CNKSR2: variants seen among roughly 807,000 people sequenced by gnomAD.
The protein encoded by CNKSR2 is CNK homolog protein 2.
A neutral mutation model predicts 84.4 loss-of-function variants in CNKSR2; 14 were observed. The ratio of observed to expected loss-of-function variants is 0.17; its 90% CI spans 0.11 to 0.26. CNKSR2 has a LOEUF of 0.26. CNKSR2 is among the 10% of genes least tolerant of loss of function. CNKSR2 has a pLI of 1.00. For synonymous variants in CNKSR2, 275 were observed against 277.9 expected (o/e 0.99, Z 0.10); for missense variants, 485 against 771.2 (o/e 0.63, Z 4.40).
chrX:21,636,902 C>T (rs184298678), intron 20 of CNKSR2, among the ~76,000 whole-genome samples: 404 of 110,999 alleles, frequency 3.6e-3, no homozygotes, highest in Middle Eastern at 0.014. Flanking sequence ...ATCTGAATGG[C>T]GACATTTGCA....
chrX:21,487,175 C>T (rs1167284102), intron 5 of CNKSR2, among the ~76,000 whole-genome samples: 1 of 111,951 alleles, frequency 8.9e-6, no homozygotes, highest in East Asian at 2.8e-4. Context: ...GCACCTAGCA[C>T]ATAGCAAGCA....
intron 1 of CNKSR2, among the ~76,000 whole-genome samples, chrX:21,411,254 T>G (rs1167388034): frequency 9.0e-6 from 1 of 111,445 alleles, no homozygotes; most frequent in Non-Finnish European, 1.9e-5. Context: ...AAATAATGTA[T>G]GAAATAAGTT....
chrX:21,616,361 G>C (rs1394711239), intron 20 of CNKSR2, among the ~76,000 whole-genome samples: 1 of 111,828 alleles, frequency 8.9e-6, no homozygotes, highest in Non-Finnish European at 1.9e-5. Flanking sequence ...ATGAATGAGT[G>C]AATGAATGAG....
chrX:21,508,487 T>C (rs1277623252), intron 8 of CNKSR2, among the ~76,000 whole-genome samples: 1 of 112,493 alleles, frequency 8.9e-6, no homozygotes, highest in East Asian at 2.8e-4. Context: ...GCAAAAGCTT[T>C]CAGACCCATT....
At chrX:21,550,246 G>A (rs1262950013) in intron 11 of CNKSR2, among the ~76,000 whole-genome samples, 1 of 111,972 alleles carries the variant, frequency 8.9e-6, no homozygotes, top group Admixed American at 9.4e-5. Flanking sequence ...CCATCAAAAA[G>A]TGGGCAAAGG....
intron 17 of CNKSR2, among the ~76,000 whole-genome samples, chrX:21,599,727 T>G (rs1434027061): frequency 9.0e-6 from 1 of 111,610 alleles, no homozygotes; most frequent in Non-Finnish European, 1.9e-5. Flanking sequence ...TGATAAATTT[T>G]TCTTTAGTGG....
At chrX:21,378,977 A>G (rs2089859987) in intron 1 of CNKSR2, among the ~76,000 whole-genome samples, 3 of 112,232 alleles carry the variant, frequency 2.7e-5, no homozygotes, top group Admixed American at 9.5e-5. Context: ...CATTTCTTCA[A>G]GAGGCATTCT....
At chrX:21,426,928 C>G (rs926779840) in intron 2 of CNKSR2, 2 of 319,262 alleles carry the variant, frequency 6.3e-6, no homozygotes, top group African/African-American at 5.6e-5. Context: ...ATAAGCAGGG[C>G]TCTTCATAGA....
At chrX:21,509,389 T>G (rs936304501) in intron 8 of CNKSR2, among the ~76,000 whole-genome samples, 21 of 111,967 alleles carry the variant, frequency 1.9e-4, no homozygotes, top group Non-Finnish European at 4.0e-4. Context: ...CTTTCCCGTA[T>G]TTCTTCTTTT....
intron 20 of CNKSR2, among the ~76,000 whole-genome samples, chrX:21,621,493 C>T (rs188675548): frequency 0.086 from 9,532 of 111,149 alleles, 934 homozygotes; most frequent in African/African-American, 0.29. Context: ...CTCCAAAATT[C>T]TAAGCACCCT....
At chrX:21,481,361 C>T (rs951258743) in intron 5 of CNKSR2, among the ~76,000 whole-genome samples, 3 of 111,524 alleles carry the variant, frequency 2.7e-5, no homozygotes, top group East Asian at 2.8e-4. Flanking sequence ...TAGATGACCT[C>T]GAAATCTAAT....
chrX:21,465,667 T>G (rs1317086357), intron 4 of CNKSR2, among the ~76,000 whole-genome samples: 1 of 111,103 alleles, frequency 9.0e-6, no homozygotes, highest in East Asian at 2.8e-4. Flanking sequence ...TATAATAGTA[T>G]TATTATTAGA....
chrX:21,537,453 G>C (rs1311074981), intron 11 of CNKSR2, among the ~76,000 whole-genome samples: 1 of 111,384 alleles, frequency 9.0e-6, no homozygotes, highest in South Asian at 3.7e-4. Context: ...CTAATGCTGA[G>C]AGTTGGGTGT....
intron 13 of CNKSR2, among the ~76,000 whole-genome samples, chrX:21,581,354 A>C (rs928105773): frequency 1.2e-4 from 14 of 112,028 alleles, no homozygotes; most frequent in Non-Finnish European, 2.3e-4. Flanking sequence ...TAGAGCTGGA[A>C]TATAGACTGA....
intron 1 of CNKSR2, among the ~76,000 whole-genome samples, chrX:21,417,936 C>T (rs2090444356): frequency 9.0e-6 from 1 of 111,171 alleles, no homozygotes; most frequent in Non-Finnish European, 1.9e-5. Flanking sequence ...AGACTTCCTC[C>T]TGCCATTTTG....
chrX:21,494,817 G>T (rs1214838161), intron 6 of CNKSR2: 1 of 111,639 alleles, frequency 9.0e-6, no homozygotes, highest in African/African-American at 3.3e-5. Flanking sequence ...GCTCCCTCCG[G>T]GGGAAATTTC....
intron 5 of CNKSR2, among the ~76,000 whole-genome samples, chrX:21,474,529 G>A (rs1362587088): frequency 1.8e-5 from 2 of 111,900 alleles, no homozygotes; most frequent in Non-Finnish European, 3.8e-5. Context: ...TTATCCCATT[G>A]GTCAAAGCTT....
Position 21,580,719 on chromosome X carries a change from G to T in CNKSR2, c.1609-9853G>T, listed in dbSNP as rs772082493. Reference sequence around the variant, plus strand: ...TGGGTTTCATGCATCTCTGTTAGAGGTGATTCTTTCTATATTATTTATTCC... The same window carrying T: ...TGGGTTTCATGCATCTCTGTTAGAGTTGATTCTTTCTATATTATTTATTCC... On this transcript the variant is annotated intron_variant, in intron 13 of 21. Coordinates refer to ENST00000379510, the MANE Select transcript of CNKSR2 (RefSeq NM_014927.5). 3.6e-5 allele frequency among the ~76,000 whole-genome samples: 4 copies of T among 111,574 alleles called. No individual in the cohort carries two copies. The South Asian group carries it at 1.5e-3, about 42-fold the overall frequency.
chrX:21,559,523 G>A (rs111476442), intron 11 of CNKSR2, among the ~76,000 whole-genome samples: 5,614 of 111,368 alleles, frequency 0.05, 142 homozygotes, highest in African/African-American at 0.083. Context: ...GTTGCTTACT[G>A]TTATAATGAA....
Sources: gnomAD v4.1 joint callset for allele counts (sites outside exome capture counted in the v4.1 genomes callset) on GRCh38, gnomAD v4.1.1 for gene constraint, MANE v1.5 for transcripts, NCBI Gene and HGNC (gene_info 2026-07-23, HGNC 2026-07-21) for gene names.